Variants in ASRGL1 observed in about 807,000 individuals in gnomAD.
ASRGL1 encodes the protein asparaginase and isoaspartyl peptidase 1, also known as isoaspartyl peptidase/L-asparaginase.
In ASRGL1, 16 loss-of-function variants were observed where a neutral mutation model predicts 22.4. The ratio of observed to expected loss-of-function variants is 0.71; its 90% CI spans 0.48 to 1.08. The LOEUF (loss-of-function observed/expected upper bound fraction) is 1.08, where lower values mean the gene tolerates loss of function less well. ASRGL1 is among the 50% of genes least tolerant of loss of function. The pLI is 0.00. For missense variants in ASRGL1, 412 were observed against 410.1 expected, an observed-to-expected ratio of 1.00 and a Z score of -0.04; for synonymous variants, 165 against 159.3, an observed-to-expected ratio of 1.04 and a Z score of -0.27.
intron 4 of ASRGL1, among the ~76,000 whole-genome samples, chr11:62,384,242 C>T (rs1305086952): frequency 6.6e-6 from 1 of 152,086 alleles, no homozygotes; most frequent in Non-Finnish European, 1.5e-5. Flanking sequence ...CAGTGGCTCA[C>T]ACCTTTAATC....
intron 4 of ASRGL1, among the ~76,000 whole-genome samples, chr11:62,369,989 G>T (rs1017466606): frequency 6.6e-6 from 1 of 152,058 alleles, no homozygotes; most frequent in Non-Finnish European, 1.5e-5. Context: ...GAATTATTGT[G>T]CCAATGGTTA....
At chr11:62,388,092 G>A (rs1294485214) in intron 4 of ASRGL1, among the ~76,000 whole-genome samples, 3 of 152,158 alleles carry the variant, frequency 2.0e-5, no homozygotes, top group Non-Finnish European at 4.4e-5. Context: ...CTACACACCT[G>A]TGCAGCATGT....
chr11:62,398,728 G>T, the ASRGL1 span, among the ~76,000 whole-genome samples: 2 of 152,192 alleles, frequency 1.3e-5, no homozygotes, highest in African/African-American at 4.8e-5. Flanking sequence ...CCTCACCCCA[G>T]ATCTGGCCTT....
chr11:62,395,770 T>TTC (rs1947426253), downstream of ASRGL1, among the ~76,000 whole-genome samples: 1 of 91,936 alleles, frequency 1.1e-5, no homozygotes, highest in South Asian at 3.4e-4. Context: ...TTTTTTTTTT[T>TTC]TTTTTTTTTT....
chr11:62,386,452 GTACATATCA>G (rs1306680736), intron 4 of ASRGL1, among the ~76,000 whole-genome samples: 5 of 151,706 alleles, frequency 3.3e-5, no homozygotes, highest in Non-Finnish European at 7.3e-5. Flanking sequence ...TCATAGATAT[GTACATATCA>G]TACATATCAT....
At chr11:62,355,868 C>T (rs554079846) in intron 2 of ASRGL1, among the ~76,000 whole-genome samples, 1 of 152,222 alleles carries the variant, frequency 6.6e-6, no homozygotes, top group Admixed American at 6.5e-5. Flanking sequence ...CAAAGCACAT[C>T]TTGCACCGCC....
chr11:62,341,952 A>G (rs993054377), intron 2 of ASRGL1, among the ~76,000 whole-genome samples: 4 of 152,096 alleles, frequency 2.6e-5, no homozygotes, highest in Non-Finnish European at 5.9e-5. Context: ...AAGAAATAGT[A>G]TTCGAACATT....
Position 62,362,639 on chromosome 11 carries a change from A to T in ASRGL1, c.491+5495A>T, listed in dbSNP as rs1027955861. Reference sequence around the variant, plus strand: ...ATTATATATTATATAAAATATATATAATATATAATATATATTATATAAAAT... The same window carrying T: ...ATTATATATTATATAAAATATATATTATATATAATATATATTATATAAAAT... On this transcript the variant is annotated intron_variant, in intron 4 of 6. Coordinates refer to ENST00000415229, the MANE Select transcript of ASRGL1 (RefSeq NM_001083926.2). 8.8e-3 allele frequency among the ~76,000 whole-genome samples: 186 copies of T among 21,046 alleles called. 16 individuals are homozygous for T. Among genetic ancestry groups the T allele is most frequent in the Middle Eastern group, 0.044 (5 of 114 alleles). The allele number at this position is 21,046 out of a possible 152,430, so 13.8% of individuals were successfully genotyped here. A position where few individuals can be genotyped will look rare whatever the true frequency, so the allele number is the denominator to read the frequency against.
intron 2 of ASRGL1, among the ~76,000 whole-genome samples, chr11:62,341,451 A>T (rs529265184): frequency 6.6e-6 from 1 of 152,226 alleles, no homozygotes; most frequent in South Asian, 2.1e-4. Flanking sequence ...CGCCCACCTC[A>T]GCCTCCCAAA....
At chr11:62,360,448 A>G (rs1946406384) in intron 4 of ASRGL1, among the ~76,000 whole-genome samples, 1 of 151,934 alleles carries the variant, frequency 6.6e-6, no homozygotes, top group Non-Finnish European at 1.5e-5. Flanking sequence ...ATTATTGAAA[A>G]TGAGTATAAG....
rs531793840 is a variant in ASRGL1, at chr11:62,348,582, A to T, written c.191-7743A>T. 2.3e-3 allele frequency among the ~76,000 whole-genome samples: 349 copies of T among 152,160 alleles called. 1 individual carries two copies. Among genetic ancestry groups the T allele is most frequent in the African/African-American group, 8.1e-3 (335 of 41,532 alleles). On this transcript the variant is annotated intron_variant, in intron 2 of 6. Coordinates refer to ENST00000415229, the MANE Select transcript of ASRGL1 (RefSeq NM_001083926.2). Reference sequence around the variant, plus strand: ...GCTGGGCGTGGTGTCTCACGCCAGTAATCCCAGCTACTCAGGAGGCTGAGG... The same window carrying T: ...GCTGGGCGTGGTGTCTCACGCCAGTTATCCCAGCTACTCAGGAGGCTGAGG...
chr11:62,359,546 CT>C (rs1261909435), intron 4 of ASRGL1, among the ~76,000 whole-genome samples: 1 of 152,068 alleles, frequency 6.6e-6, no homozygotes, highest in East Asian at 1.9e-4. Flanking sequence ...ATGTCTTGCT[CT>C]TTTTTTGTAC....
At chr11:62,388,801 T>A (rs1030122621) in intron 4 of ASRGL1, among the ~76,000 whole-genome samples, 35 of 152,054 alleles carry the variant, frequency 2.3e-4, no homozygotes, top group Non-Finnish European at 2.9e-5. Flanking sequence ...GGAATTCTTA[T>A]ACACACTAAA....
At chr11:62,398,111 G>T (rs948161738), downstream of ASRGL1, among the ~76,000 whole-genome samples, 1 of 152,016 alleles carries the variant, frequency 6.6e-6, no homozygotes, top group South Asian at 2.1e-4. Context: ...CCCTGCCACC[G>T]CAGGAGCCAT....
the ASRGL1 span, among the ~76,000 whole-genome samples, chr11:62,398,883 A>G: frequency 6.6e-6 from 1 of 152,172 alleles, no homozygotes; most frequent in Non-Finnish European, 1.5e-5. Context: ...AAATTCCAAT[A>G]TATGGCCAGG....
chr11:62,381,987 G>C (rs1250832733), intron 4 of ASRGL1: 1 of 152,248 alleles, frequency 6.6e-6, no homozygotes, highest in Non-Finnish European at 1.5e-5. Flanking sequence ...TGGGACGAGA[G>C]ACTGAGAAAA....
At chr11:62,389,392 C>A (rs1174075923) in intron 5 of ASRGL1, 141 bp downstream of exon 5, 2 of 862,270 alleles carry the variant, frequency 2.3e-6, no homozygotes, top group Non-Finnish European at 3.8e-6. Flanking sequence ...CTGGGAGTGA[C>A]AATGGGGTTG....
At chr11:62,397,436 C>G (rs1947443956), downstream of ASRGL1, among the ~76,000 whole-genome samples, 1 of 152,000 alleles carries the variant, frequency 6.6e-6, no homozygotes, top group South Asian at 2.1e-4. Flanking sequence ...GAGGCTGAAG[C>G]GGGCAGATCA....
intron 4 of ASRGL1, chr11:62,382,795 A>C: frequency 4.6e-5 from 7 of 152,422 alleles, no homozygotes; most frequent in Non-Finnish European, 1.0e-4. Flanking sequence ...AGGTCCCTGC[A>C]GCCTTCCGCA....
Sources: allele counts gnomAD v4.1 joint callset (sites outside exome capture counted in the v4.1 genomes callset), GRCh38; gene constraint gnomAD v4.1.1; transcripts MANE v1.5; gene names NCBI Gene and HGNC (gene_info 2026-07-23, HGNC 2026-07-21).